The following ABHD17B variants were observed in gnomAD, a reference collection of about 807,000 sequenced individuals.
ABHD17B encodes abhydrolase domain containing 17B, depalmitoylase.
A neutral mutation model predicts 26.2 loss-of-function variants in ABHD17B; 9 were observed. The observed-to-expected ratio is 0.34, with a 90% confidence interval of 0.21 to 0.60. The LOEUF (loss-of-function observed/expected upper bound fraction) is 0.60. Among genes scored for constraint, ABHD17B ranks in the 20% least tolerant of loss-of-function variants. The probability of loss-of-function intolerance (pLI) is 0.80; values close to 1 mark genes in which losing one functional copy is unlikely to be tolerated. For synonymous variants in ABHD17B, 127 were observed against 122.3 expected, an observed-to-expected ratio of 1.04 and a Z score of -0.25; for missense variants, 224 against 352.1, an observed-to-expected ratio of 0.64 and a Z score of 2.91.
At chr9:71,877,901 C>T (rs894803556) in intron 1 of ABHD17B, among the ~76,000 whole-genome samples, 1 of 152,094 alleles carries the variant, frequency 6.6e-6, no homozygotes, top group Non-Finnish European at 1.5e-5. Flanking sequence ...CAGAATGACT[C>T]CCCTCTTCCA....
intron 1 of ABHD17B, among the ~76,000 whole-genome samples, chr9:71,906,819 C>CA (rs71353541): frequency 0.93 from 138,138 of 148,206 alleles, 64,651 homozygotes; most frequent in East Asian, 0.98. Flanking sequence ...AACAAACAAA[C>CA]AAAAAAAAAA....
At chr9:71,904,929 A>T (rs2132212673) in intron 1 of ABHD17B, among the ~76,000 whole-genome samples, 1 of 152,314 alleles carries the variant, frequency 6.6e-6, no homozygotes, top group South Asian at 2.1e-4. Flanking sequence ...ACCTCATTAT[A>T]TACAAACAGT....
At chr9:71,862,620 G>T (rs554523632), downstream of ABHD17B, 94 of 1,105,546 alleles carry the variant, frequency 8.5e-5, no homozygotes, top group Middle Eastern at 3.9e-4. Flanking sequence ...GTAAAATAAA[G>T]GGATTAGGCT....
At chr9:71,905,751 G>A (rs758975114) in intron 1 of ABHD17B, among the ~76,000 whole-genome samples, 14 of 152,128 alleles carry the variant, frequency 9.2e-5, no homozygotes, top group East Asian at 3.9e-4. Flanking sequence ...CAGATTGGGC[G>A]CAGTGGCTCA....
intron 1 of ABHD17B, among the ~76,000 whole-genome samples, chr9:71,883,080 T>C (rs1589219802): frequency 6.6e-6 from 1 of 151,952 alleles, no homozygotes; most frequent in Non-Finnish European, 1.5e-5. Flanking sequence ...GAGGCGGAGG[T>C]TGCCATGAGC....
intron 1 of ABHD17B, among the ~76,000 whole-genome samples, chr9:71,892,654 G>C (rs932948354): frequency 1.4e-5 from 2 of 145,356 alleles, no homozygotes; most frequent in Non-Finnish European, 3.0e-5. Flanking sequence ...AATTAATTTG[G>C]GGGGGGGAAG....
At position 71,896,514 on chromosome 9, in the gene ABHD17B, G is replaced by C. The variant is rs557579098; in HGVS notation, c.-4+14120C>G. On this transcript the variant is annotated intron_variant, in intron 1 of 3. Transcript: ENST00000333421. ...GTAACTTAGAGATACTGGTGAAGGAGGAGGGTTAGAATTTCAGCCTGCGAA... is the reference window on the plus strand; with the variant it reads ...GTAACTTAGAGATACTGGTGAAGGACGAGGGTTAGAATTTCAGCCTGCGAA... Among the ~76,000 whole-genome samples, 8 of 152,214 alleles carry C rather than the reference G, an allele frequency of 5.3e-5. No homozygotes were observed. In the South Asian group the frequency reaches 1.7e-3, roughly 32 times the overall value.
chr9:71,874,515 C>A, intron 2 of ABHD17B, 99 bp downstream of exon 2: 1 of 855,622 alleles, frequency 1.2e-6, no homozygotes, highest in South Asian at 1.9e-5. Flanking sequence ...CTCTATATAG[C>A]AGTTATGTAT....
At chr9:71,904,908 G>T (rs1827241084) in intron 1 of ABHD17B, among the ~76,000 whole-genome samples, 1 of 152,010 alleles carries the variant, frequency 6.6e-6, no homozygotes, top group Non-Finnish European at 1.5e-5. Context: ...AGTAAATTTA[G>T]ATCCATGAGC....
At chr9:71,901,532 T>C (rs967164763) in intron 1 of ABHD17B, among the ~76,000 whole-genome samples, 1 of 152,238 alleles carries the variant, frequency 6.6e-6, no homozygotes, top group African/African-American at 2.4e-5. Context: ...TTTATTTTTA[T>C]AGATTGGTCT....
At chr9:71,869,057 A>G (rs772329604) in intron 3 of ABHD17B, among the ~76,000 whole-genome samples, 4 of 152,222 alleles carry the variant, frequency 2.6e-5, no homozygotes, top group Non-Finnish European at 2.9e-5. Flanking sequence ...AGATGGAGAC[A>G]TAAGTTGACA....
intron 1 of ABHD17B, among the ~76,000 whole-genome samples, chr9:71,876,633 G>T (rs1826283831): frequency 6.6e-6 from 1 of 151,148 alleles, no homozygotes; most frequent in South Asian, 2.1e-4. Flanking sequence ...CTAAATATAA[G>T]AATAGGGGGA....
At chr9:71,872,837 C>G (rs1826152884) in intron 2 of ABHD17B, among the ~76,000 whole-genome samples, 2 of 151,900 alleles carry the variant, frequency 1.3e-5, no homozygotes, top group Non-Finnish European at 2.9e-5. Flanking sequence ...TTTACCATCC[C>G]CCATCAACTC....
At chr9:71,881,779 G>T (rs1306504879) in intron 1 of ABHD17B, among the ~76,000 whole-genome samples, 1 of 151,912 alleles carries the variant, frequency 6.6e-6, no homozygotes, top group African/African-American at 2.4e-5. Context: ...CCAGCTACTC[G>T]GGAGGCTGAG....
intron 1 of ABHD17B, among the ~76,000 whole-genome samples, chr9:71,900,652 C>CAAA (rs35196879): frequency 2.9e-5 from 2 of 69,422 alleles, no homozygotes; most frequent in Non-Finnish European, 5.9e-5. Context: ...ACTCCATCTC[C>CAAA]AAAAAAAAAA....
chr9:71,870,371 AT>A, intron 2 of ABHD17B, 109 bp from the exon 3 acceptor site: 1 of 948,544 alleles, frequency 1.1e-6, no homozygotes, highest in African/African-American at 1.7e-5. Flanking sequence ...CAACTAATCC[AT>A]TTTTTAAACT....
At chr9:71,895,994 TA>T in intron 1 of ABHD17B, among the ~76,000 whole-genome samples, 1 of 152,322 alleles carries the variant, frequency 6.6e-6, no homozygotes, top group African/African-American at 2.4e-5. Context: ...GTTCTTAAGA[TA>T]TATTACATTT....
intron 1 of ABHD17B, among the ~76,000 whole-genome samples, chr9:71,892,884 AT>A (rs1339223121): frequency 6.6e-6 from 1 of 152,114 alleles, no homozygotes; most frequent in Admixed American, 6.5e-5. Context: ...TTATCACCAG[AT>A]TTTATTTTTC....
chr9:71,865,085 G>A (rs1354500359), downstream of ABHD17B: 30 of 895,414 alleles, frequency 3.4e-5, no homozygotes, highest in Non-Finnish European at 4.0e-5. Context: ...TAAAAACGAA[G>A]GGTAATTTTT....
Sources: allele counts gnomAD v4.1 joint callset (sites outside exome capture counted in the v4.1 genomes callset), GRCh38; gene constraint gnomAD v4.1.1; transcripts MANE v1.5; gene names NCBI Gene and HGNC (gene_info 2026-07-23, HGNC 2026-07-21).